The following LDB2 variants were observed in gnomAD, a reference collection of about 807,000 sequenced individuals.
LDB2 encodes LIM domain binding 2, also known as LIM domain-binding protein 2.
A neutral mutation model predicts 44.3 loss-of-function variants in LDB2; 12 were observed. The ratio of observed to expected loss-of-function variants is 0.27; its 90% CI spans 0.17 to 0.44. LDB2 has a LOEUF of 0.44. LDB2 is among the 20% of genes least tolerant of loss of function. The pLI, the probability that LDB2 is intolerant of heterozygous loss-of-function variation, is 1.00. For synonymous variants in LDB2, 164 were observed against 174.8 expected (o/e 0.94, Z 0.49); for missense variants, 344 against 473.5 (o/e 0.73, Z 2.54).
chr4:16,759,370 G>T, intron 1 of LDB2, 110 bp from the exon 2 acceptor site: 1 of 780,452 alleles, frequency 1.3e-6, no homozygotes, highest in South Asian at 1.5e-5. Context: ...TCATTACTTC[G>T]CGTATGTGTG....
At chr4:16,670,413 T>C (rs1744411080) in intron 2 of LDB2, among the ~76,000 whole-genome samples, 1 of 152,192 alleles carries the variant, frequency 6.6e-6, no homozygotes, top group African/African-American at 2.4e-5. Context: ...AAACAAATAT[T>C]AAGTCCCCAC....
At chr4:16,866,513 A>C (rs1432332403) in intron 1 of LDB2, among the ~76,000 whole-genome samples, 2 of 152,218 alleles carry the variant, frequency 1.3e-5, no homozygotes, top group African/African-American at 4.8e-5. Flanking sequence ...CTCAATTGCC[A>C]GATGAAGAAA....
At chr4:16,505,351 G>C (rs373954383) in intron 7 of LDB2, among the ~76,000 whole-genome samples, 1 of 151,096 alleles carries the variant, frequency 6.6e-6, no homozygotes, top group Non-Finnish European at 1.5e-5. Flanking sequence ...GTGTGTGAGA[G>C]AGAGAGAGCG....
At chr4:16,781,798 G>A (rs1467461334) in intron 1 of LDB2, among the ~76,000 whole-genome samples, 1 of 152,134 alleles carries the variant, frequency 6.6e-6, no homozygotes, top group Non-Finnish European at 1.5e-5. Flanking sequence ...TAAGATAAGG[G>A]TGGTTCCTAA....
intron 2 of LDB2, among the ~76,000 whole-genome samples, chr4:16,746,951 AG>A (rs1369717919): frequency 6.6e-6 from 1 of 152,244 alleles, no homozygotes; most frequent in Non-Finnish European, 1.5e-5. Flanking sequence ...AACTAGAAAT[AG>A]AAGGAACACA....
intron 1 of LDB2, among the ~76,000 whole-genome samples, chr4:16,863,887 C>G (rs924907778): frequency 6.6e-6 from 1 of 152,098 alleles, no homozygotes; most frequent in Admixed American, 6.5e-5. Flanking sequence ...GTCTCAATCT[C>G]CTAACCTCGT....
At chr4:16,722,221 G>A (rs1758426399) in intron 2 of LDB2, among the ~76,000 whole-genome samples, 1 of 152,094 alleles carries the variant, frequency 6.6e-6, no homozygotes, top group African/African-American at 2.4e-5. Flanking sequence ...TTAGTTCAGA[G>A]AATCCTTCCA....
rs148039062 is a variant in LDB2, at chr4:16,574,851, A to G, written c.615+11071T>C. 7.7e-4 allele frequency among the ~76,000 whole-genome samples: 118 copies of G among 152,308 alleles called. No homozygotes were observed. In the East Asian group the frequency reaches 0.021, roughly 28 times the overall value. Reference sequence around the variant, plus strand: ...TCTTTCCAAGTTTCAGATGAAAAAAATTGGATTCGGGGAGCTTAGGAAACT... The same window carrying G: ...TCTTTCCAAGTTTCAGATGAAAAAAGTTGGATTCGGGGAGCTTAGGAAACT... On this transcript the variant is annotated intron_variant, in intron 5 of 7. Transcript: ENST00000304523.
intron 2 of LDB2, among the ~76,000 whole-genome samples, chr4:16,623,269 T>A (rs1384575740): frequency 6.6e-6 from 1 of 152,186 alleles, no homozygotes; most frequent in Non-Finnish European, 1.5e-5. Flanking sequence ...TGCAAAGAAA[T>A]GCCATTTAAT....
chr4:16,735,228 T>C (rs764076464), intron 2 of LDB2, among the ~76,000 whole-genome samples: 3 of 152,066 alleles, frequency 2.0e-5, no homozygotes, highest in Admixed American at 6.6e-5. Flanking sequence ...CGCAGTCCCC[T>C]GATATGGTGG....
At chr4:16,519,916 A>G (rs1392490781) in intron 5 of LDB2, among the ~76,000 whole-genome samples, 1 of 151,944 alleles carries the variant, frequency 6.6e-6, no homozygotes, top group Non-Finnish European at 1.5e-5. Flanking sequence ...CAGGCGCTCA[A>G]TGTATTATGG....
intron 1 of LDB2, among the ~76,000 whole-genome samples, chr4:16,777,603 G>A (rs78167407): frequency 0.032 from 4,851 of 152,222 alleles, 266 homozygotes; most frequent in African/African-American, 0.11. Flanking sequence ...GCAGGCATGT[G>A]TCATGATCAA....
chr4:16,702,918 C>A (rs1292205866), intron 2 of LDB2, among the ~76,000 whole-genome samples: 1 of 152,156 alleles, frequency 6.6e-6, no homozygotes, highest in East Asian at 1.9e-4. Flanking sequence ...CTCATCCATG[C>A]CCCATGCACC....
chr4:16,609,574 G>A (rs944527031), intron 2 of LDB2, among the ~76,000 whole-genome samples: 1 of 152,286 alleles, frequency 6.6e-6, no homozygotes, highest in African/African-American at 2.4e-5. Context: ...CCAACACATC[G>A]GCTGTGGCAG....
At chr4:16,583,142 C>A (rs535124737) in intron 5 of LDB2, among the ~76,000 whole-genome samples, 43 of 152,262 alleles carry the variant, frequency 2.8e-4, no homozygotes, top group African/African-American at 9.9e-4. Flanking sequence ...GACTGCAGGT[C>A]TCCGTGAGAA....
chr4:16,721,310 C>G (rs915202182), intron 2 of LDB2, among the ~76,000 whole-genome samples: 1 of 152,068 alleles, frequency 6.6e-6, no homozygotes, highest in Non-Finnish European at 1.5e-5. Context: ...CTGAAGCAAA[C>G]GGATAGATAA....
At chr4:16,637,464 C>A (rs1486106932) in intron 2 of LDB2, among the ~76,000 whole-genome samples, 7 of 151,926 alleles carry the variant, frequency 4.6e-5, no homozygotes, top group Non-Finnish European at 4.4e-5. Flanking sequence ...TTCATTAATT[C>A]CACAAGTCTT....
chr4:16,628,764 G>A (rs764696715), intron 2 of LDB2, among the ~76,000 whole-genome samples: 44 of 152,294 alleles, frequency 2.9e-4, no homozygotes, highest in Non-Finnish European at 5.6e-4. Flanking sequence ...GACAGTGGGT[G>A]CAGCCCATGG....
chr4:16,862,978 G>A (rs895325830), intron 1 of LDB2, among the ~76,000 whole-genome samples: 2 of 152,152 alleles, frequency 1.3e-5, no homozygotes, highest in Non-Finnish European at 2.9e-5. Flanking sequence ...AGCTGAGTAA[G>A]GGCGCCATCC....
Sources: allele counts gnomAD v4.1 joint callset (sites outside exome capture counted in the v4.1 genomes callset), GRCh38; gene constraint gnomAD v4.1.1; transcripts MANE v1.5; gene names NCBI Gene and HGNC (gene_info 2026-07-23, HGNC 2026-07-21).